TJP1: variants seen among roughly 807,000 people sequenced by gnomAD.
TJP1 encodes tight junction protein 1.
Under a neutral mutation model 194.2 loss-of-function variants are expected in TJP1, and 43 were observed. The observed-to-expected ratio is 0.22, with a 90% CI of 0.17 to 0.29. TJP1 has a LOEUF of 0.29. TJP1 is among the 10% of genes least tolerant of loss of function. TJP1 has a pLI of 1.00. For synonymous variants in TJP1, 801 were observed against 779.0 expected (o/e 1.03, Z -0.47); for missense variants, 1,971 against 2,185.7 (o/e 0.90, Z 1.96).
chr15:29,760,310 TAAAG>T, intron 8 of TJP1: 1 of 700,322 alleles, frequency 1.4e-6, no homozygotes, highest in East Asian at 2.7e-5. Context: ...CGTGTGACTC[TAAAG>T]AAAGATAAAC....
chr15:29,755,611 C>T (rs1162306064), intron 8 of TJP1, among the ~76,000 whole-genome samples: 1 of 152,178 alleles, frequency 6.6e-6, no homozygotes, highest in Non-Finnish European at 1.5e-5. Context: ...ATAACTGTTA[C>T]AAAGTTTCAA....
intron 2 of TJP1, among the ~76,000 whole-genome samples, chr15:29,937,506 G>A (rs1295699279): frequency 6.6e-6 from 1 of 152,142 alleles, no homozygotes; most frequent in Non-Finnish European, 1.5e-5. Context: ...CATGCTAAAA[G>A]CAACTAGTTC....
rs181246091 is a variant in TJP1 at position 29,786,128 on chromosome 15, A to C, written c.85-12771T>G. ...CTTGGTAGTTCTCAAAATGCTGTTC[A>C]ATCTTCTATGACTGTCAGATTGATT... On this transcript the variant is annotated intron_variant, in intron 2 of 27. Transcript: ENST00000614355. Among the ~76,000 whole-genome samples the C allele has an allele frequency of 7.9e-4, 121 of 152,340 alleles. 1 individual carries two copies. In the East Asian group the frequency reaches 0.021, roughly 26 times the overall value.
intron 2 of TJP1, among the ~76,000 whole-genome samples, chr15:29,944,777 TTTTG>T (rs1489200307): frequency 1.3e-5 from 2 of 152,230 alleles, no homozygotes; most frequent in East Asian, 3.8e-4. Context: ...GGCAACTGCT[TTTTG>T]TTTATTTTAT....
At chr15:29,865,389 G>A (rs144800089) in intron 2 of TJP1, among the ~76,000 whole-genome samples, 118 of 152,152 alleles carry the variant, frequency 7.8e-4, no homozygotes, top group African/African-American at 2.7e-3. Context: ...ACCCTGCCAG[G>A]CCCACTGCAA....
At chr15:29,814,726 T>G (rs1376159841) in intron 1 of TJP1, among the ~76,000 whole-genome samples, 1 of 152,198 alleles carries the variant, frequency 6.6e-6, no homozygotes, top group Non-Finnish European at 1.5e-5. Context: ...CCACAGAAAG[T>G]AATATCAGCT....
In TJP1 at chr15:29,927,188, C is replaced by T. The variant is rs572903937; in HGVS notation, c.306+29044G>A. 3.3e-5 allele frequency among the ~76,000 whole-genome samples: 5 copies of T among 152,056 alleles called. No homozygotes were observed. The South Asian group carries it at 6.3e-4, about 19-fold the overall frequency. ...TACAAAAATTAGCTAGGCGTGGTGG[C>T]GCATGCCTGTAATCCCAGCTATTCA... is the stretch of plus-strand genomic sequence containing the variant. On this transcript the variant is annotated intron_variant, in intron 2 of 28. Transcript: ENST00000356107.
At chr15:29,829,679 C>A (rs1484920255) in intron 2 of TJP1, among the ~76,000 whole-genome samples, 1 of 151,416 alleles carries the variant, frequency 6.6e-6, no homozygotes, top group Non-Finnish European at 1.5e-5. Flanking sequence ...CAGAAGACTC[C>A]CCCAGAGTAT....
intron 2 of TJP1, among the ~76,000 whole-genome samples, chr15:29,848,836 C>T (rs925196622): frequency 2.6e-5 from 4 of 151,564 alleles, no homozygotes; most frequent in East Asian, 1.9e-4. Flanking sequence ...ACCAGCCTGG[C>T]GACAGAGTGA....
rs893828655 is a variant in TJP1, at chr15:29,833,639, T to C, written c.307-32937A>G. Reference sequence around the variant, plus strand: ...AACTCCTGACCTCAAGTGACCTGCCTGCTCTAACCTCCCAAAATTGCTAGG... The same window carrying C: ...AACTCCTGACCTCAAGTGACCTGCCCGCTCTAACCTCCCAAAATTGCTAGG... On this transcript the variant is annotated intron_variant, in intron 2 of 28. Coordinates refer to the TJP1 transcript ENST00000356107. Among the ~76,000 whole-genome samples, 125 of 151,758 alleles carry C rather than the reference T, an allele frequency of 8.2e-4. 1 individual carries two copies. The highest frequency in any genetic ancestry group is 2.9e-3 in the African/African-American group (122 of 41,418).
At chr15:29,810,063 CTGAAATG>C (rs2049385303) in intron 1 of TJP1, among the ~76,000 whole-genome samples, 1 of 152,156 alleles carries the variant, frequency 6.6e-6, no homozygotes, top group South Asian at 2.1e-4. Context: ...AATCTGAAAT[CTGAAATG>C]CTCCAAAGAG....
At chr15:29,764,941 G>C (rs750762875) in intron 5 of TJP1, among the ~76,000 whole-genome samples, 9 of 151,848 alleles carry the variant, frequency 5.9e-5, no homozygotes, top group Non-Finnish European at 1.0e-4. Context: ...TATTCAACCT[G>C]AGGAAAAGAA....
intron 8 of TJP1, among the ~76,000 whole-genome samples, chr15:29,751,021 C>T (rs1056347303): frequency 4.1e-4 from 63 of 152,336 alleles, no homozygotes; most frequent in African/African-American, 1.5e-3. Flanking sequence ...AGGCACACTC[C>T]AGTTTCATAC....
intron 2 of TJP1, among the ~76,000 whole-genome samples, chr15:29,936,616 C>G (rs1242373861): frequency 6.6e-6 from 1 of 152,188 alleles, no homozygotes; most frequent in Admixed American, 6.5e-5. Flanking sequence ...GTGCTGCAGT[C>G]TGACTAAACT....
chr15:29,899,644 T>C (rs191116950), intron 2 of TJP1, among the ~76,000 whole-genome samples: 2 of 152,312 alleles, frequency 1.3e-5, no homozygotes, highest in African/African-American at 4.8e-5. Flanking sequence ...CACATCTACA[T>C]CACTACAGGT....
intron 25 of TJP1, among the ~76,000 whole-genome samples, chr15:29,706,897 C>T (rs1052364905): frequency 4.6e-5 from 7 of 152,154 alleles, no homozygotes; most frequent in Middle Eastern, 6.8e-3. Context: ...TCCAGTGATC[C>T]GCCCGCCTCA....
At chr15:29,790,164 C>G (rs988441760) in intron 2 of TJP1, among the ~76,000 whole-genome samples, 5 of 152,196 alleles carry the variant, frequency 3.3e-5, no homozygotes, top group African/African-American at 1.2e-4. Flanking sequence ...GATTTATGGT[C>G]TGCAAAGCCT....
At chr15:29,884,669 A>G (rs1343424661) in intron 2 of TJP1, among the ~76,000 whole-genome samples, 1 of 152,218 alleles carries the variant, frequency 6.6e-6, no homozygotes, top group Non-Finnish European at 1.5e-5. Flanking sequence ...CCATTCTTTT[A>G]TTCCACAAAC....
chr15:29,848,491 C>T (rs1242296148), intron 2 of TJP1, among the ~76,000 whole-genome samples: 1 of 152,114 alleles, frequency 6.6e-6, no homozygotes, highest in African/African-American at 2.4e-5. Flanking sequence ...ATGTAGACAG[C>T]CTGATACATT....
Sources: allele counts gnomAD v4.1 joint callset (sites outside exome capture counted in the v4.1 genomes callset), GRCh38; gene constraint gnomAD v4.1.1; transcripts MANE v1.5; gene names NCBI Gene and HGNC (gene_info 2026-07-23, HGNC 2026-07-21).